CNOT6: variants seen among roughly 807,000 people sequenced by gnomAD.
The protein encoded by CNOT6 is CCR4-NOT transcription complex subunit 6.
Under a neutral mutation model 61.2 loss-of-function variants are expected in CNOT6, and 12 were observed. The observed-to-expected ratio is 0.20, with a 90% CI of 0.13 to 0.32. CNOT6 has a LOEUF of 0.32. Ranked by LOEUF, CNOT6 falls within the 10% of genes least tolerant of loss-of-function variation. The pLI is 1.00. For missense variants in CNOT6, 405 were observed against 663.9 expected, an observed-to-expected ratio of 0.61 and a Z score of 4.28; for synonymous variants, 225 against 240.6, an observed-to-expected ratio of 0.94 and a Z score of 0.60.
chr5:180,563,551 C>T (rs1760299585), intron 4 of CNOT6, among the ~76,000 whole-genome samples: 1 of 152,150 alleles, frequency 6.6e-6, no homozygotes, highest in East Asian at 1.9e-4. Flanking sequence ...TGAGTCCAGT[C>T]TTTTATGAGA....
chr5:180,515,240 A>T (rs899402764), intron 1 of CNOT6, among the ~76,000 whole-genome samples: 2 of 150,990 alleles, frequency 1.3e-5, no homozygotes, highest in Non-Finnish European at 2.9e-5. Flanking sequence ...CAACATAGTG[A>T]TGCCTCCCAT....
chr5:180,516,652 A>G (rs1173627732), intron 1 of CNOT6, among the ~76,000 whole-genome samples: 1 of 152,228 alleles, frequency 6.6e-6, no homozygotes, highest in Non-Finnish European at 1.5e-5. Flanking sequence ...CACGCAAATC[A>G]CTAATGTAAA....
intron 1 of CNOT6, among the ~76,000 whole-genome samples, chr5:180,499,274 G>A (rs190630589): frequency 8.0e-4 from 122 of 152,356 alleles, no homozygotes; most frequent in African/African-American, 2.7e-3. Flanking sequence ...GAAAGTTCAG[G>A]TGTTGAGAAT....
intron 2 of CNOT6, among the ~76,000 whole-genome samples, chr5:180,540,823 AATAC>A (rs1758993662): frequency 6.6e-6 from 1 of 152,178 alleles, no homozygotes; most frequent in African/African-American, 2.4e-5. Context: ...TAAGTCTCAA[AATAC>A]ATTGTTATTT....
Position 180,568,741 on chromosome 5 carries a change from A to G in CNOT6, c.1028-369A>G, listed in dbSNP as rs191370478. 4.3e-4 allele frequency among the ~76,000 whole-genome samples: 66 copies of G among 152,286 alleles called. 1 individual carries two copies. Among genetic ancestry groups the G allele is most frequent in the Non-Finnish European group, 8.1e-4 (55 of 68,024 alleles). On this transcript the variant is annotated intron_variant, in intron 9 of 11. Transcript: ENST00000261951. ...AAATTTAATGTGAAGTATAGAAAAA[A>G]TGGAAATAGGACTTAACGATTGTCT...
intron 1 of CNOT6, among the ~76,000 whole-genome samples, chr5:180,524,169 T>A (rs538042891): frequency 7.3e-4 from 111 of 152,166 alleles, no homozygotes; most frequent in South Asian, 3.1e-3. Flanking sequence ...CTAGCTATTT[T>A]AAAAAAAATT....
chr5:180,573,306 C>T (rs960353671), intron 11 of CNOT6, among the ~76,000 whole-genome samples: 4 of 151,964 alleles, frequency 2.6e-5, no homozygotes, highest in African/African-American at 9.7e-5. Flanking sequence ...ACAGTCCTGC[C>T]CTCATGGAGC....
chr5:180,528,144 A>G (rs72812944), intron 1 of CNOT6, among the ~76,000 whole-genome samples: 2,881 of 152,204 alleles, frequency 0.019, 38 homozygotes, highest in Non-Finnish European at 0.027. Context: ...GGTTTTATTA[A>G]CCATTGATCA....
At chr5:180,546,564 C>T (rs917035249) in intron 2 of CNOT6, among the ~76,000 whole-genome samples, 3 of 152,174 alleles carry the variant, frequency 2.0e-5, no homozygotes, top group African/African-American at 4.8e-5. Flanking sequence ...TGTGATGTGT[C>T]ACTTCTGCAT....
At chr5:180,511,941 GT>G (rs1270402088) in intron 1 of CNOT6, among the ~76,000 whole-genome samples, 1 of 152,072 alleles carries the variant, frequency 6.6e-6, no homozygotes, top group Non-Finnish European at 1.5e-5. Context: ...ACATATCACT[GT>G]TTTCCTTCTT....
chr5:180,513,858 C>G (rs1251398451), intron 1 of CNOT6, among the ~76,000 whole-genome samples: 1 of 151,884 alleles, frequency 6.6e-6, no homozygotes, highest in African/African-American at 2.4e-5. Flanking sequence ...CGCCCGCCAC[C>G]ACGCCCGGCT....
intron 1 of CNOT6, among the ~76,000 whole-genome samples, chr5:180,514,509 T>C (rs186763562): frequency 6.6e-6 from 1 of 152,332 alleles, no homozygotes; most frequent in Admixed American, 6.5e-5. Flanking sequence ...CTAAGTGGTA[T>C]TTAGGTTAGT....
chr5:180,510,169 T>TTTTTTTG (rs1757325298), intron 1 of CNOT6, among the ~76,000 whole-genome samples: 1 of 109,136 alleles, frequency 9.2e-6, no homozygotes, highest in Non-Finnish European at 1.9e-5. Flanking sequence ...TTTTTTTTTT[T>TTTTTTTG]AAGAGATGGT....
At chr5:180,547,866 T>C (rs1396445539) in intron 2 of CNOT6, among the ~76,000 whole-genome samples, 1 of 152,070 alleles carries the variant, frequency 6.6e-6, no homozygotes, top group East Asian at 1.9e-4. Flanking sequence ...CCCTAGAAGC[T>C]GGGATTACAG....
intron 1 of CNOT6, among the ~76,000 whole-genome samples, chr5:180,516,217 A>C (rs900568765): frequency 2.1e-5 from 3 of 145,912 alleles, no homozygotes; most frequent in African/African-American, 7.6e-5. Flanking sequence ...AGACTTGCTC[A>C]GTCACCAGGC....
intron 2 of CNOT6, among the ~76,000 whole-genome samples, chr5:180,546,777 C>T (rs558020577): frequency 4.5e-4 from 69 of 152,314 alleles, no homozygotes; most frequent in African/African-American, 1.6e-3. Context: ...GGTAGATCAA[C>T]TGGCAATGAA....
chr5:180,561,124 T>C (rs1760160023), intron 4 of CNOT6, among the ~76,000 whole-genome samples: 1 of 152,018 alleles, frequency 6.6e-6, no homozygotes, highest in Non-Finnish European at 1.5e-5. Flanking sequence ...CTAGTTTTGT[T>C]TGTTTGTTTG....
intron 4 of CNOT6, among the ~76,000 whole-genome samples, chr5:180,563,409 T>C (rs1760291452): frequency 6.6e-6 from 1 of 151,838 alleles, no homozygotes; most frequent in African/African-American, 2.4e-5. Flanking sequence ...TGCTTTTTTT[T>C]TCTTTTATAT....
intron 1 of CNOT6, among the ~76,000 whole-genome samples, chr5:180,514,572 G>A (rs1000579231): frequency 6.6e-6 from 1 of 152,208 alleles, no homozygotes; most frequent in Non-Finnish European, 1.5e-5. Context: ...TAATGGCTGA[G>A]GAAATGAGAA....
Sources: gnomAD v4.1 joint callset for allele counts (sites outside exome capture counted in the v4.1 genomes callset) on GRCh38, gnomAD v4.1.1 for gene constraint, MANE v1.5 for transcripts, NCBI Gene and HGNC (gene_info 2026-07-23, HGNC 2026-07-21) for gene names.